FLI1: variants seen among roughly 807,000 people sequenced by gnomAD.
FLI1 encodes the protein Fli-1 proto-oncogene, ETS transcription factor, also known as Friend leukemia integration 1 transcription factor.
FLI1 carries 13 observed loss-of-function variants against 53.1 expected under a neutral mutation model. That is an observed-to-expected ratio of 0.24 (90% CI 0.16 to 0.39). FLI1 has a LOEUF of 0.39. Ranked by LOEUF, FLI1 falls within the 10% of genes least tolerant of loss-of-function variation. FLI1 has a pLI of 1.00. For synonymous variants in FLI1, 244 were observed against 236.7 expected (o/e 1.03, Z -0.28); for missense variants, 424 against 600.5 (o/e 0.71, Z 3.07).
At chr11:128,796,326 T>C (rs1224636823) in intron 5 of FLI1, among the ~76,000 whole-genome samples, 2 of 152,268 alleles carry the variant, frequency 1.3e-5, no homozygotes, top group African/African-American at 4.8e-5. Context: ...TTTGGGCCTG[T>C]CTGCAAAATA....
chr11:128,733,649 T>C (rs2135757925), intron 1 of FLI1, among the ~76,000 whole-genome samples: 1 of 152,320 alleles, frequency 6.6e-6, no homozygotes, highest in African/African-American at 2.4e-5. Context: ...TTGGACTCAG[T>C]TGGCAGGAAT....
chr11:128,716,683 C>G (rs1032290694), intron 1 of FLI1, among the ~76,000 whole-genome samples: 8 of 152,130 alleles, frequency 5.3e-5, no homozygotes, highest in African/African-American at 1.9e-4. Context: ...GCTTCCCACT[C>G]TCCTCTCCCA....
At chr11:128,775,631 G>A (rs1425347953) in intron 4 of FLI1, among the ~76,000 whole-genome samples, 2 of 152,190 alleles carry the variant, frequency 1.3e-5, no homozygotes, top group African/African-American at 4.8e-5. Flanking sequence ...CACTTTAAAC[G>A]CTTTTAAAGC....
chr11:128,788,126 G>A (rs990163495), intron 5 of FLI1, among the ~76,000 whole-genome samples: 20 of 151,954 alleles, frequency 1.3e-4, no homozygotes, highest in African/African-American at 4.4e-4. Context: ...TGTTAACACC[G>A]TACCAAGGGT....
chr11:128,764,516 G>A (rs1941253810), intron 2 of FLI1: 2 of 780,126 alleles, frequency 2.6e-6, no homozygotes, highest in South Asian at 3.0e-5. Context: ...GCTATCAGCT[G>A]CCAGTGGGCC....
Position 128,807,248 on chromosome 11 carries a change from C to G in FLI1, c.781+9C>G, listed in dbSNP as rs752767363. On this transcript the variant is annotated intron_variant, in intron 7 of 8. Transcript: ENST00000527786. Reference sequence around the variant, plus strand: ...GCAACGGCCCCAGCCAGGTACCTGCCCAGGATATGTAATCTCTCCTTTGCT... The same window carrying G: ...GCAACGGCCCCAGCCAGGTACCTGCGCAGGATATGTAATCTCTCCTTTGCT... The G allele has an allele frequency of 6.3e-7, 1 of 1,593,504 alleles. No homozygotes were observed.
At position 128,812,583 on chromosome 11, in the gene FLI1, T is replaced by C; in HGVS notation, c.*1595T>C. ...GGTTTTTCATTGTTGTTGATGATGTTTGTAGTGTTTTTGTGTGTGTTATTT... is the reference window on the plus strand; with the variant it reads ...GGTTTTTCATTGTTGTTGATGATGTCTGTAGTGTTTTTGTGTGTGTTATTT... On this transcript the variant is annotated 3_prime_UTR_variant, in exon 9 of 9. Coordinates refer to ENST00000527786, the MANE Select transcript of FLI1 (RefSeq NM_002017.5). 1 of 224,006 alleles carries C rather than the reference T, an allele frequency of 4.5e-6. No homozygotes were observed. The highest frequency in any genetic ancestry group is 8.9e-6 in the Non-Finnish European group (1 of 112,200). The allele number at this position is 224,006 out of a possible 1,614,324, so 13.9% of individuals were successfully genotyped here.
At chr11:128,718,277 G>T (rs1196237655) in intron 1 of FLI1, among the ~76,000 whole-genome samples, 1 of 152,224 alleles carries the variant, frequency 6.6e-6, no homozygotes, top group Non-Finnish European at 1.5e-5. Flanking sequence ...TTGTGGATTT[G>T]GGTTCTAATC....
chr11:128,703,512 T>C (rs1211883804), intron 1 of FLI1, among the ~76,000 whole-genome samples: 1 of 152,132 alleles, frequency 6.6e-6, no homozygotes, highest in Non-Finnish European at 1.5e-5. Flanking sequence ...TTTAGAAAAT[T>C]CTCCAATGTA....
chr11:128,811,353 G>C lies in FLI1; in HGVS notation c.*365G>C. The C allele has an allele frequency of 2.8e-6, 1 of 363,176 alleles. No individual in the cohort carries two copies. Among genetic ancestry groups the C allele is most frequent in the Non-Finnish European group, 5.1e-6 (1 of 197,670 alleles). The allele number at this position is 363,176 out of a possible 1,614,324, so 22.5% of individuals were successfully genotyped here. A position where few individuals can be genotyped will look rare whatever the true frequency, so the allele number is the denominator to read the frequency against. ...CAAAGCAGTTTCTTGTCAATACACG[G>C]GGTTCAGTATGACACAGAATCATGG... On this transcript the variant is annotated 3_prime_UTR_variant, in exon 9 of 9. Coordinates refer to ENST00000527786, the MANE Select transcript of FLI1 (RefSeq NM_002017.5).
chr11:128,803,740 GCCT>G (rs1219155857), intron 5 of FLI1: 2 of 152,272 alleles, frequency 1.3e-5, no homozygotes, highest in Non-Finnish European at 2.9e-5. Context: ...CTAAGCAGCA[GCCT>G]CCTCCTGCTC....
In FLI1 at chr11:128,812,997, C is replaced by G. The variant is rs1262383468; in HGVS notation, c.*2009C>G. On this transcript the variant is annotated 3_prime_UTR_variant, in exon 9 of 9. Coordinates refer to ENST00000527786, the MANE Select transcript of FLI1 (RefSeq NM_002017.5). ...AATTAGACTCACAGCATTGGTAACC[C>G]TAGAACCTTCTTAGGGTAACACTAA... 2 of 167,936 alleles carry G rather than the reference C, an allele frequency of 1.2e-5. 1 individual carries two copies. The highest frequency in any genetic ancestry group is 2.6e-5 in the Non-Finnish European group (2 of 77,490). 10.4% of individuals were successfully genotyped at this position (167,936 alleles called of 1,614,324 possible). A position where few individuals can be genotyped will look rare whatever the true frequency, so the allele number is the denominator to read the frequency against.
At chr11:128,804,659 G>A (rs531893419) in intron 5 of FLI1, 6 of 152,264 alleles carry the variant, frequency 3.9e-5, no homozygotes, top group Non-Finnish European at 8.8e-5. Flanking sequence ...CCCTTTCTCT[G>A]TGGTCATCAG....
chr11:128,766,678 C>G (rs1941351704), intron 2 of FLI1, among the ~76,000 whole-genome samples: 3 of 151,826 alleles, frequency 2.0e-5, no homozygotes, highest in Non-Finnish European at 4.4e-5. Context: ...ACTGCCGTCC[C>G]TGCTTGTGGG....
At chr11:128,688,623 G>GCCGGCT (rs1213430420) in intron 1 of FLI1, among the ~76,000 whole-genome samples, 1 of 152,156 alleles carries the variant, frequency 6.6e-6, no homozygotes, top group East Asian at 1.9e-4. Context: ...GGCCAAGGGT[G>GCCGGCT]CCGGCTCCAC....
chr11:128,767,996 C>A (rs1479421277), intron 2 of FLI1, 122 bp from the exon 3 acceptor site: 34 of 799,076 alleles, frequency 4.3e-5, no homozygotes, highest in Non-Finnish European at 6.3e-5. Context: ...ATCATGACAC[C>A]AAGTGTGGCC....
At chr11:128,766,656 C>T (rs1179646422) in intron 2 of FLI1, among the ~76,000 whole-genome samples, 3 of 151,888 alleles carry the variant, frequency 2.0e-5, no homozygotes, top group Non-Finnish European at 4.4e-5. Context: ...TCTCCCTTCT[C>T]CTGGGTTAGT....
intron 1 of FLI1, among the ~76,000 whole-genome samples, chr11:128,712,837 G>A (rs1384224872): frequency 6.6e-6 from 1 of 152,144 alleles, no homozygotes; most frequent in Non-Finnish European, 1.5e-5. Context: ...GATATCCTGA[G>A]ACATGAAGCA....
Position 128,807,302 on chromosome 11 carries a change from C to A in FLI1, c.781+63C>A. The A allele has an allele frequency of 3.4e-6, 4 of 1,172,234 alleles. No homozygotes were observed. The South Asian group carries it at 4.5e-5, about 13-fold the overall frequency. The allele number at this position is 1,172,234 out of a possible 1,614,324, so 72.6% of individuals were successfully genotyped here. On this transcript the variant is annotated intron_variant, in intron 7 of 8. Transcript: ENST00000527786. ...TGCACAGTTGTTGATTTCACATGGT[C>A]AACTGATGGAGGGTTTAAACAATAT...
Sources: gnomAD v4.1 joint callset for allele counts (sites outside exome capture counted in the v4.1 genomes callset) on GRCh38, gnomAD v4.1.1 for gene constraint, MANE v1.5 for transcripts, NCBI Gene and HGNC (gene_info 2026-07-23, HGNC 2026-07-21) for gene names.